Variants in PATJ observed in about 807,000 individuals in gnomAD.
The protein encoded by PATJ is PATJ crumbs cell polarity complex component, also known as inaD-like protein.
PATJ carries 190 observed loss-of-function variants against 224.9 expected under a neutral mutation model. The observed-to-expected ratio is 0.84, with a 90% CI of 0.75 to 0.95. The LOEUF (loss-of-function observed/expected upper bound fraction) is 0.95, where lower values mean the gene tolerates loss of function less well. PATJ is among the 40% of genes least tolerant of loss of function. PATJ has a pLI of 0.00. For missense variants in PATJ, 2,121 were observed against 2,270.3 expected, an observed-to-expected ratio of 0.93 and a Z score of 1.34; for synonymous variants, 769 against 820.3, an observed-to-expected ratio of 0.94 and a Z score of 1.07.
chr1:61,759,095 A>G (rs116626360), intron 1 of PATJ, among the ~76,000 whole-genome samples: 7 of 152,332 alleles, frequency 4.6e-5, no homozygotes, highest in African/African-American at 1.7e-4. Flanking sequence ...GTTTGCTAGG[A>G]AGTCAGCTGT....
At chr1:62,094,194 A>G (rs1265803849) in intron 33 of PATJ, among the ~76,000 whole-genome samples, 4 of 152,088 alleles carry the variant, frequency 2.6e-5, no homozygotes, top group Admixed American at 6.6e-5. Flanking sequence ...CCAGAGTTCA[A>G]GACCAGTTCC....
intron 30 of PATJ, among the ~76,000 whole-genome samples, chr1:62,045,562 T>A (rs1052497245): frequency 1.4e-5 from 2 of 144,946 alleles, no homozygotes; most frequent in Admixed American, 1.4e-4. Context: ...CTACAAAACA[T>A]AATTGACTGT....
At chr1:61,778,108 G>A (rs1647040406) in intron 7 of PATJ, among the ~76,000 whole-genome samples, 2 of 152,008 alleles carry the variant, frequency 1.3e-5, no homozygotes, top group South Asian at 4.1e-4. Flanking sequence ...TCAAATTCCT[G>A]AGCTCAAGTG....
At chr1:61,862,028 A>AT (rs1157532535) in intron 19 of PATJ, among the ~76,000 whole-genome samples, 1 of 151,588 alleles carries the variant, frequency 6.6e-6, no homozygotes, top group Non-Finnish European at 1.5e-5. Flanking sequence ...CGTCTAGCTA[A>AT]TTTTTTGTAT....
At chr1:61,896,495 C>T (rs2149134816) in intron 22 of PATJ, among the ~76,000 whole-genome samples, 1 of 152,170 alleles carries the variant, frequency 6.6e-6, no homozygotes, top group Non-Finnish European at 1.5e-5. Context: ...AAGGACTTGC[C>T]TTGTCTGAGA....
chr1:61,955,737 G>GT (rs1281490137), intron 27 of PATJ, among the ~76,000 whole-genome samples: 1 of 152,160 alleles, frequency 6.6e-6, no homozygotes, highest in Admixed American at 6.5e-5. Context: ...AATGTTATGA[G>GT]TTTTTTGAAG....
At chr1:62,106,061 A>AT (rs1416758766) in intron 33 of PATJ, among the ~76,000 whole-genome samples, 807 of 32,528 alleles carry the variant, frequency 0.025, 39 homozygotes, top group Non-Finnish European at 0.039. Flanking sequence ...AAAAAAAAAA[A>AT]AAATATATAT....
At chr1:61,884,997 A>G (rs1042367762) in intron 22 of PATJ, among the ~76,000 whole-genome samples, 1 of 152,202 alleles carries the variant, frequency 6.6e-6, no homozygotes, top group Non-Finnish European at 1.5e-5. Context: ...CTGTCTGGAC[A>G]TGGGTAATTG....
intron 27 of PATJ, among the ~76,000 whole-genome samples, chr1:61,957,066 T>C (rs1158205893): frequency 6.6e-6 from 1 of 152,232 alleles, no homozygotes; most frequent in East Asian, 1.9e-4. Flanking sequence ...CAGTGCTGTG[T>C]TGAGACTAGG....
intron 27 of PATJ, among the ~76,000 whole-genome samples, chr1:61,934,779 G>A (rs1412535428): frequency 6.6e-6 from 1 of 152,162 alleles, no homozygotes; most frequent in Non-Finnish European, 1.5e-5. Context: ...TACAAACCTA[G>A]TATTTGGCCG....
At chr1:61,867,015 C>G (rs1041629675) in intron 20 of PATJ, among the ~76,000 whole-genome samples, 7 of 152,168 alleles carry the variant, frequency 4.6e-5, no homozygotes, top group Non-Finnish European at 1.0e-4. Context: ...AGAGGTCACT[C>G]TCGTTGCCAT....
intron 27 of PATJ, chr1:61,952,468 G>T: frequency 1.4e-6 from 1 of 716,474 alleles, no homozygotes. Context: ...ATCTGATGCT[G>T]TTTTAGTGTT....
chr1:62,020,087 A>G (rs1437124641), intron 29 of PATJ, among the ~76,000 whole-genome samples: 2 of 151,846 alleles, frequency 1.3e-5, no homozygotes, highest in Non-Finnish European at 2.9e-5. Flanking sequence ...GGAGCATCGC[A>G]TGAGCCCAGG....
intron 27 of PATJ, among the ~76,000 whole-genome samples, chr1:61,944,003 G>T (rs975854549): frequency 3.3e-5 from 5 of 152,094 alleles, no homozygotes; most frequent in African/African-American, 1.2e-4. Context: ...TGCAGCTGAG[G>T]GTCCTGACTG....
chr1:62,134,125 T>C (rs1010521272), intron 41 of PATJ, among the ~76,000 whole-genome samples: 5 of 151,312 alleles, frequency 3.3e-5, no homozygotes, highest in African/African-American at 1.2e-4. Flanking sequence ...CCCAGTGGAG[T>C]AGAGCATTAT....
intron 1 of PATJ, among the ~76,000 whole-genome samples, chr1:61,751,566 C>T (rs1300518902): frequency 6.6e-6 from 1 of 152,092 alleles, no homozygotes; most frequent in Non-Finnish European, 1.5e-5. Context: ...TGTCTCTAGC[C>T]TGTAATCCCA....
At chr1:61,984,541 C>T (rs1644637732) in intron 27 of PATJ, among the ~76,000 whole-genome samples, 1 of 151,808 alleles carries the variant, frequency 6.6e-6, no homozygotes, top group Non-Finnish European at 1.5e-5. Flanking sequence ...ATTTCATTCT[C>T]CCACAAAACA....
chr1:61,807,682 G>C (rs561410095), intron 13 of PATJ, among the ~76,000 whole-genome samples: 1 of 152,172 alleles, frequency 6.6e-6, no homozygotes, highest in South Asian at 2.1e-4. Flanking sequence ...GAATGAATGC[G>C]TGTACTCCAA....
chr1:62,123,835 A>C (rs1371434943), intron 39 of PATJ, among the ~76,000 whole-genome samples: 1 of 150,794 alleles, frequency 6.6e-6, no homozygotes, highest in Non-Finnish European at 1.5e-5. Context: ...CATATTTCTC[A>C]ATTTTTGCTA....
Sources: gnomAD v4.1 joint callset for allele counts (sites outside exome capture counted in the v4.1 genomes callset) on GRCh38, gnomAD v4.1.1 for gene constraint, MANE v1.5 for transcripts, NCBI Gene and HGNC (gene_info 2026-07-23, HGNC 2026-07-21) for gene names.